The following L3MBTL4 variants were observed in gnomAD, a reference collection of about 807,000 sequenced individuals.
L3MBTL4 encodes the protein L3MBTL histone methyl-lysine binding protein 4.
A neutral mutation model predicts 84.5 loss-of-function variants in L3MBTL4; 70 were observed. That is an observed-to-expected ratio of 0.83 (90% CI 0.68 to 1.01). The LOEUF (loss-of-function observed/expected upper bound fraction) is 1.01, where lower values mean the gene tolerates loss of function less well. Among genes scored for constraint, L3MBTL4 ranks in the 50% least tolerant of loss-of-function variants. L3MBTL4 has a pLI of 0.00. For missense variants in L3MBTL4, 715 were observed against 754.8 expected (o/e 0.95, Z 0.62); for synonymous variants, 274 against 259.8 (o/e 1.05, Z -0.52).
Position 6,140,564 on chromosome 18 carries a change from G to A in L3MBTL4, c.1097-2268C>T, listed in dbSNP as rs199597168. ...GGACAGAGCAGAGCGCCTCCTCACC[G>A]CCTGCCCAGCACTTCCCCTCCTTCC... On this transcript the variant is annotated intron_variant, in intron 13 of 18. Transcript: ENST00000317931. Among the ~76,000 whole-genome samples the A allele has an allele frequency of 7.9e-5, 12 of 152,146 alleles. No homozygotes were observed. The East Asian group carries it at 1.9e-3, about 25-fold the overall frequency.
intron 16 of L3MBTL4, among the ~76,000 whole-genome samples, chr18:6,011,059 G>C (rs552272424): frequency 6.6e-5 from 10 of 152,130 alleles, no homozygotes; most frequent in Admixed American, 2.0e-4. Flanking sequence ...GCTAAGTGCC[G>C]GCATGGGAAG....
chr18:6,096,906 A>G (rs1359823767), intron 14 of L3MBTL4, among the ~76,000 whole-genome samples: 1 of 152,256 alleles, frequency 6.6e-6, no homozygotes, highest in Non-Finnish European at 1.5e-5. Flanking sequence ...AAGCAAGCTT[A>G]GAAACTGCAG....
At chr18:6,144,130 A>C (rs533943538) in intron 13 of L3MBTL4, among the ~76,000 whole-genome samples, 1 of 139,470 alleles carries the variant, frequency 7.2e-6, no homozygotes, top group South Asian at 2.5e-4. Context: ...TGGAAGGTGG[A>C]GCTTGCAGTG....
At chr18:6,290,539 A>G (rs2049813222) in intron 4 of L3MBTL4, among the ~76,000 whole-genome samples, 1 of 131,468 alleles carries the variant, frequency 7.6e-6, no homozygotes, top group Non-Finnish European at 1.7e-5. Context: ...TTTTTTTTTA[A>G]TTTTTTGAGA....
intron 16 of L3MBTL4, among the ~76,000 whole-genome samples, chr18:5,975,083 C>G (rs1379435640): frequency 6.6e-6 from 1 of 152,078 alleles, no homozygotes; most frequent in Non-Finnish European, 1.5e-5. Flanking sequence ...TCTCACCCAT[C>G]CTTCCCACCT....
At chr18:6,402,920 CAGT>C (rs2055571685) in intron 1 of L3MBTL4, among the ~76,000 whole-genome samples, 1 of 152,142 alleles carries the variant, frequency 6.6e-6, no homozygotes, top group Non-Finnish European at 1.5e-5. Context: ...TGCAAATAAT[CAGT>C]AGAATTTATT....
In L3MBTL4 at chr18:6,282,319, G is replaced by C. The variant is rs140554821; in HGVS notation, c.128-18281C>G. 6.6e-5 allele frequency among the ~76,000 whole-genome samples: 10 copies of C among 152,254 alleles called. No individual in the cohort carries two copies. In the East Asian group the frequency reaches 1.7e-3, roughly 26 times the overall value. ...AAGTAAGTGCTTTTACAGAATACAAGGCCATGAGAGCACAGAATAGGAGCC... is the reference window on the plus strand; with the variant it reads ...AAGTAAGTGCTTTTACAGAATACAACGCCATGAGAGCACAGAATAGGAGCC... On this transcript the variant is annotated intron_variant, in intron 4 of 18. Transcript: ENST00000317931.
chr18:6,164,034 T>C (rs956298193), intron 13 of L3MBTL4, among the ~76,000 whole-genome samples: 4 of 152,204 alleles, frequency 2.6e-5, no homozygotes, highest in Non-Finnish European at 5.9e-5. Flanking sequence ...GGAGATTATA[T>C]CCTGCACCTG....
chr18:6,097,073 T>C (rs562275644), intron 14 of L3MBTL4, among the ~76,000 whole-genome samples: 9 of 152,286 alleles, frequency 5.9e-5, no homozygotes, highest in South Asian at 4.1e-4. Flanking sequence ...CCACACAAAA[T>C]TGCAGTTTTT....
At chr18:6,222,607 G>T (rs1456018597) in intron 10 of L3MBTL4, among the ~76,000 whole-genome samples, 1 of 151,942 alleles carries the variant, frequency 6.6e-6, no homozygotes, top group East Asian at 1.9e-4. Context: ...AAAAAGCTAG[G>T]GTTGTTTTTC....
chr18:5,988,713 T>C (rs748883191), intron 16 of L3MBTL4, among the ~76,000 whole-genome samples: 14 of 152,162 alleles, frequency 9.2e-5, no homozygotes, highest in Non-Finnish European at 1.9e-4. Context: ...TTGTAAGTAA[T>C]ATAGGTGGGC....
intron 1 of L3MBTL4, among the ~76,000 whole-genome samples, chr18:6,330,131 A>G (rs1394557481): frequency 6.6e-6 from 1 of 152,216 alleles, no homozygotes; most frequent in Non-Finnish European, 1.5e-5. Context: ...AATCTACTAT[A>G]CTTATTTTGC....
intron 18 of L3MBTL4, among the ~76,000 whole-genome samples, chr18:5,958,056 GAGAAGGAGAAGAAGAAGAAGA>G (rs2095238742): frequency 6.1e-5 from 8 of 130,380 alleles, no homozygotes; most frequent in Non-Finnish European, 1.1e-4. Context: ...GAAGGAGAAG[GAGAAGGAGAAGAAGAAGAAGA>G]AGAAGAAGAA....
chr18:6,178,423 C>A (rs561497862), intron 12 of L3MBTL4, among the ~76,000 whole-genome samples: 1 of 152,274 alleles, frequency 6.6e-6, no homozygotes, highest in Non-Finnish European at 1.5e-5. Context: ...TTAAAAAATT[C>A]TAACCAGATG....
chr18:6,162,588 A>G (rs1007735932), intron 13 of L3MBTL4, among the ~76,000 whole-genome samples: 1 of 152,254 alleles, frequency 6.6e-6, no homozygotes, highest in African/African-American at 2.4e-5. Context: ...AGTTTGAATT[A>G]TATGAGTAAA....
intron 1 of L3MBTL4, among the ~76,000 whole-genome samples, chr18:6,374,658 C>A (rs559643768): frequency 6.6e-6 from 1 of 152,098 alleles, no homozygotes; most frequent in Non-Finnish European, 1.5e-5. Context: ...CTGTTCTCAC[C>A]ACTAAGTGGT....
At chr18:6,265,997 G>A (rs2048616221) in intron 4 of L3MBTL4, among the ~76,000 whole-genome samples, 1 of 152,082 alleles carries the variant, frequency 6.6e-6, no homozygotes, top group African/African-American at 2.4e-5. Context: ...AAGTATGTGA[G>A]GTGACGGATA....
chr18:6,411,420 CAGAA>C (rs1317844073), intron 1 of L3MBTL4, among the ~76,000 whole-genome samples: 1 of 152,220 alleles, frequency 6.6e-6, no homozygotes, highest in Non-Finnish European at 1.5e-5. Flanking sequence ...ATTCCTCAAA[CAGAA>C]AGCAAAACAT....
chr18:6,105,658 G>A (rs1298812409), intron 14 of L3MBTL4, among the ~76,000 whole-genome samples: 1 of 151,882 alleles, frequency 6.6e-6, no homozygotes, highest in Non-Finnish European at 1.5e-5. Context: ...AAATTAGCCA[G>A]GAGTGATGGC....
Sources: allele counts gnomAD v4.1 joint callset (sites outside exome capture counted in the v4.1 genomes callset), GRCh38; gene constraint gnomAD v4.1.1; transcripts MANE v1.5; gene names NCBI Gene and HGNC (gene_info 2026-07-23, HGNC 2026-07-21).